Variants in ATG7 observed in about 807,000 individuals in gnomAD.
ATG7 encodes ubiquitin-like modifier-activating enzyme ATG7.
In ATG7, 70 loss-of-function variants were observed where a neutral mutation model predicts 82.4. The observed-to-expected ratio is 0.85, with a 90% confidence interval of 0.70 to 1.04. ATG7 has a LOEUF of 1.04. ATG7 is among the 50% of genes least tolerant of loss of function. The pLI is 0.00. For missense variants in ATG7, 792 were observed against 864.3 expected (o/e 0.92, Z 1.05); for synonymous variants, 287 against 313.0 (o/e 0.92, Z 0.88).
At chr3:11,540,959 GTGCA>G (rs1263527231) in intron 20 of ATG7, among the ~76,000 whole-genome samples, 12 of 150,988 alleles carry the variant, frequency 7.9e-5, no homozygotes, top group African/African-American at 2.9e-4. Flanking sequence ...GAGTGCAGTG[GTGCA>G]ATCTTGGCTC....
chr3:11,286,895 G>A (rs1944167990), intron 3 of ATG7, among the ~76,000 whole-genome samples: 1 of 135,330 alleles, frequency 7.4e-6, no homozygotes, highest in Non-Finnish European at 1.6e-5. Flanking sequence ...GTGAGCCACC[G>A]CACCCAACCT....
chr3:11,279,738 A>T (rs1304320897), intron 1 of ATG7, among the ~76,000 whole-genome samples: 1 of 151,868 alleles, frequency 6.6e-6, no homozygotes, highest in Non-Finnish European at 1.5e-5. Flanking sequence ...AAAAAACCCC[A>T]CCTTGGCTTA....
At chr3:11,412,752 G>C (rs1045835287) in intron 19 of ATG7, among the ~76,000 whole-genome samples, 1 of 152,010 alleles carries the variant, frequency 6.6e-6, no homozygotes, top group Non-Finnish European at 1.5e-5. Context: ...AGATCACAAT[G>C]AATCTGTAGA....
chr3:11,281,365 G>T (rs1398953662), intron 2 of ATG7, among the ~76,000 whole-genome samples: 1 of 152,216 alleles, frequency 6.6e-6, no homozygotes, highest in Non-Finnish European at 1.5e-5. Context: ...TGAAGCAGAG[G>T]TGTAATTTTC....
chr3:11,489,971 G>A (rs1401622419), intron 20 of ATG7, among the ~76,000 whole-genome samples: 16 of 152,096 alleles, frequency 1.1e-4, no homozygotes, highest in Non-Finnish European at 1.6e-4. Context: ...GGGGTGGAGA[G>A]TTCTGTAGAT....
At chr3:11,476,594 C>T (rs1383274148) in intron 20 of ATG7, among the ~76,000 whole-genome samples, 1 of 152,048 alleles carries the variant, frequency 6.6e-6, no homozygotes, top group Non-Finnish European at 1.5e-5. Context: ...AGAATGATTA[C>T]TGGTACAAGG....
intron 3 of ATG7, among the ~76,000 whole-genome samples, chr3:11,284,870 G>A (rs1353652300): frequency 1.4e-5 from 2 of 139,796 alleles, no homozygotes; most frequent in Non-Finnish European, 3.1e-5. Context: ...TTTTTGAGAC[G>A]GAGTCTTGCT....
chr3:11,528,470 TTACCTCTG>T (rs1338969518), intron 20 of ATG7, among the ~76,000 whole-genome samples: 1 of 152,184 alleles, frequency 6.6e-6, no homozygotes, highest in African/African-American at 2.4e-5. Flanking sequence ...AGAAAAATGC[TTACCTCTG>T]ATATCACAGT....
At chr3:11,347,849 C>T (rs1285132610) in intron 13 of ATG7, 28 bp from the exon 14 acceptor site, 1 of 1,600,660 alleles carries the variant, frequency 6.2e-7, no homozygotes, top group South Asian at 1.1e-5. Context: ...TCATCAGAAA[C>T]ACACCATGAT....
At chr3:11,390,988 C>G (rs2078755523) in intron 19 of ATG7, among the ~76,000 whole-genome samples, 1 of 152,278 alleles carries the variant, frequency 6.6e-6, no homozygotes, top group African/African-American at 2.4e-5. Context: ...GATGTAGTTG[C>G]AGTACCATAG....
intron 20 of ATG7, among the ~76,000 whole-genome samples, chr3:11,525,080 A>G (rs2092542133): frequency 6.6e-6 from 1 of 152,072 alleles, no homozygotes; most frequent in South Asian, 2.1e-4. Flanking sequence ...TCTGTCACCT[A>G]GGCTGGAGTG....
At chr3:11,537,782 C>A (rs923511348) in intron 20 of ATG7, among the ~76,000 whole-genome samples, 7 of 152,158 alleles carry the variant, frequency 4.6e-5, no homozygotes, top group Admixed American at 2.0e-4. Context: ...TCCTTGATAA[C>A]CTCTGTATGG....
chr3:11,356,932 G>C (rs1315130396), intron 14 of ATG7, among the ~76,000 whole-genome samples: 1 of 152,048 alleles, frequency 6.6e-6, no homozygotes, highest in Admixed American at 6.5e-5. Flanking sequence ...TTCTGCCTCA[G>C]GTCCTTTCCT....
At chr3:11,379,217 C>T (rs1009721480) in intron 18 of ATG7, among the ~76,000 whole-genome samples, 1 of 151,980 alleles carries the variant, frequency 6.6e-6, no homozygotes, top group Non-Finnish European at 1.5e-5. Flanking sequence ...ACGTTGAGTC[C>T]TATGGAGAGT....
chr3:11,289,809 C>T (rs1559332653), intron 3 of ATG7, among the ~76,000 whole-genome samples: 1 of 152,184 alleles, frequency 6.6e-6, no homozygotes, highest in Non-Finnish European at 1.5e-5. Context: ...ATCCTCCTGC[C>T]TCAGCCTCCC....
intron 20 of ATG7, among the ~76,000 whole-genome samples, chr3:11,451,870 TACACACACAC>T (rs1196954957): frequency 7.1e-6 from 1 of 141,794 alleles, no homozygotes; most frequent in African/African-American, 2.6e-5. Context: ...CGCCTTTACA[TACACACACAC>T]ACACAGACAC....
intron 18 of ATG7, among the ~76,000 whole-genome samples, chr3:11,368,914 A>G (rs957195912): frequency 1.3e-5 from 2 of 151,020 alleles, no homozygotes; most frequent in Admixed American, 6.6e-5. Flanking sequence ...GAATGTGTAT[A>G]TGCCATTCTT....
In ATG7 at chr3:11,552,469, T is replaced by G. The variant is rs1575305514; in HGVS notation, c.2080-2342T>G. Among the ~76,000 whole-genome samples the G allele has an allele frequency of 2.0e-5, 3 of 152,162 alleles. No homozygotes were observed. In the South Asian group the frequency reaches 6.2e-4, roughly 32 times the overall value. On this transcript the variant is annotated intron_variant, in intron 20 of 20. Coordinates refer to ENST00000693202, the MANE Select transcript of ATG7 (RefSeq NM_001349232.2). ...GGACACAGCTGCGGTGAGGACACAGTAGAGCCTGCAGATCCCAGCCCCCAG... is the reference window on the plus strand; with the variant it reads ...GGACACAGCTGCGGTGAGGACACAGGAGAGCCTGCAGATCCCAGCCCCCAG...
rs945694656 is a variant in ATG7 at position 11,312,379 on chromosome 3, C to G, written c.412-925C>G. The stretch of plus-strand genomic sequence containing the variant: ...CCCAAAAGCTGTAAGAATTCTGAAG[C>G]AAGAGCCATTAGCGTGAGTGGGAAC... On this transcript the variant is annotated intron_variant, in intron 7 of 20. Transcript: ENST00000693202. 3.3e-5 allele frequency among the ~76,000 whole-genome samples: 5 copies of G among 152,200 alleles called. 1 individual carries two copies. The highest frequency in any genetic ancestry group is 2.6e-4 in the Admixed American group (4 of 15,272).
Sources: allele counts gnomAD v4.1 joint callset (sites outside exome capture counted in the v4.1 genomes callset), GRCh38; gene constraint gnomAD v4.1.1; transcripts MANE v1.5; gene names NCBI Gene and HGNC (gene_info 2026-07-23, HGNC 2026-07-21).